The following GPR158 variants were observed in gnomAD, a reference collection of about 807,000 sequenced individuals.
The protein encoded by GPR158 is G protein-coupled receptor 158, also known as metabotropic glycine receptor.
GPR158 carries 30 observed loss-of-function variants against 78.2 expected under a neutral mutation model. The ratio of observed to expected loss-of-function variants is 0.38; its 90% CI spans 0.29 to 0.52. GPR158 has a LOEUF of 0.52. GPR158 is among the 20% of genes least tolerant of loss of function. GPR158 has a pLI of 0.83. For missense variants in GPR158, 1,463 were observed against 1,523.5 expected, an observed-to-expected ratio of 0.96 and a Z score of 0.66; for synonymous variants, 581 against 591.1, an observed-to-expected ratio of 0.98 and a Z score of 0.25.
At chr10:25,257,908 A>G (rs1269720719) in intron 2 of GPR158, among the ~76,000 whole-genome samples, 1 of 152,166 alleles carries the variant, frequency 6.6e-6, no homozygotes, top group Non-Finnish European at 1.5e-5. Context: ...AAGAGATGAA[A>G]AATCCTCCAC....
intron 3 of GPR158, 29 bp downstream of exon 3, chr10:25,396,042 T>C (rs753885823): frequency 2.9e-5 from 27 of 938,586 alleles, no homozygotes; most frequent in Non-Finnish European, 4.6e-5. Flanking sequence ...TATGTATATA[T>C]ATGTATATAC....
intron 2 of GPR158, among the ~76,000 whole-genome samples, chr10:25,378,928 G>A (rs1773627): frequency 1.3e-5 from 2 of 151,904 alleles, no homozygotes; most frequent in Admixed American, 6.6e-5. Context: ...TAGCTGGAAC[G>A]ACAGACATGT....
intron 2 of GPR158, among the ~76,000 whole-genome samples, chr10:25,227,290 G>A (rs1853387146): frequency 6.6e-6 from 1 of 152,138 alleles, no homozygotes; most frequent in Admixed American, 6.5e-5. Flanking sequence ...CTTGTGGTTG[G>A]GGGAAAGAGA....
chr10:25,362,439 C>T (rs1017146902), intron 2 of GPR158, among the ~76,000 whole-genome samples: 2 of 151,600 alleles, frequency 1.3e-5, no homozygotes, highest in African/African-American at 4.8e-5. Context: ...ATTTGGGCTC[C>T]CTTGATATTC....
At chr10:25,479,896 C>T (rs866869) in intron 5 of GPR158, among the ~76,000 whole-genome samples, 104,249 of 151,936 alleles carry the variant, frequency 0.69, 36,202 homozygotes, top group East Asian at 0.99. Context: ...TTTGTCCTTT[C>T]CCATTTTATT....
chr10:25,213,810 T>G (rs548183901), intron 1 of GPR158, among the ~76,000 whole-genome samples: 1 of 152,268 alleles, frequency 6.6e-6, no homozygotes, highest in Non-Finnish European at 1.5e-5. Context: ...CAAACTGGCA[T>G]TTTATATTGT....
In GPR158 at chr10:25,436,210, G is replaced by C. The variant is rs531466742; in HGVS notation, c.1335+23737G>C. ...GTGCCCGGTGTTACATGAGACATGT[G>C]TATACTAAAGCATTATTTGTTGTTT... On this transcript the variant is annotated intron_variant, in intron 4 of 10. Coordinates refer to ENST00000376351, the MANE Select transcript of GPR158 (RefSeq NM_020752.3). Among the ~76,000 whole-genome samples, 82 of 152,322 alleles carry C rather than the reference G, an allele frequency of 5.4e-4. 1 individual carries two copies. In the South Asian group the frequency reaches 0.011, roughly 21 times the overall value.
intron 2 of GPR158, among the ~76,000 whole-genome samples, chr10:25,259,210 T>A (rs1194777788): frequency 6.6e-6 from 1 of 152,166 alleles, no homozygotes; most frequent in Non-Finnish European, 1.5e-5. Flanking sequence ...ACTCTGCCAT[T>A]GTGGCATAAA....
chr10:25,202,284 G>A (rs182576194), intron 1 of GPR158, among the ~76,000 whole-genome samples: 1 of 151,608 alleles, frequency 6.6e-6, no homozygotes, highest in Admixed American at 6.6e-5. Flanking sequence ...TAAGTTCTAG[G>A]GTACATGTGC....
At chr10:25,535,878 G>A (rs1469028019) in intron 5 of GPR158, among the ~76,000 whole-genome samples, 1 of 152,172 alleles carries the variant, frequency 6.6e-6, no homozygotes, top group Non-Finnish European at 1.5e-5. Context: ...TAAATAGATT[G>A]TTGATTCAAA....
intron 6 of GPR158, among the ~76,000 whole-genome samples, chr10:25,570,828 A>C (rs1836996022): frequency 6.6e-6 from 1 of 152,014 alleles, no homozygotes; most frequent in African/African-American, 2.4e-5. Flanking sequence ...GAGGCAGGAG[A>C]ATAATCGCTT....
rs948968303 is a variant in GPR158, at chr10:25,434,188, A to G, written c.1335+21715A>G. Among the ~76,000 whole-genome samples the G allele has an allele frequency of 7.2e-5, 11 of 152,028 alleles. 1 individual carries two copies. Among genetic ancestry groups the G allele is most frequent in the Admixed American group, 7.2e-4 (11 of 15,262 alleles). ...AAAAACAAACAAACAAACAAAAAGA[A>G]ATCATTTAAATAACCTGCTACTCCA... On this transcript the variant is annotated intron_variant, in intron 4 of 10. Coordinates refer to ENST00000376351, the MANE Select transcript of GPR158 (RefSeq NM_020752.3).
chr10:25,544,342 G>A (rs1468179537), intron 5 of GPR158, among the ~76,000 whole-genome samples: 1 of 151,746 alleles, frequency 6.6e-6, no homozygotes, highest in African/African-American at 2.4e-5. Context: ...AGTTCTTCCA[G>A]TAAAGGAACT....
Position 25,599,904 on chromosome 10 carries a change from T to C in GPR158, c.*630T>C, listed in dbSNP as rs1003580922. The C allele has an allele frequency of 2.0e-5, 3 of 152,756 alleles. No homozygotes were observed. Among genetic ancestry groups the C allele is most frequent in the African/African-American group, 7.2e-5 (3 of 41,472 alleles). The allele number at this position is 152,756 out of a possible 1,614,324, so 9.5% of individuals were successfully genotyped here. On this transcript the variant is annotated 3_prime_UTR_variant, in exon 11 of 11. Coordinates refer to ENST00000376351, the MANE Select transcript of GPR158 (RefSeq NM_020752.3). ...TATGCAATCTGCAGCTATTCAATTG[T>C]TATTGCACCTTACAGAATACCTGCT...
At chr10:25,191,843 C>T (rs557506076) in intron 1 of GPR158, among the ~76,000 whole-genome samples, 6 of 152,220 alleles carry the variant, frequency 3.9e-5, no homozygotes, top group African/African-American at 1.4e-4. Flanking sequence ...GCTGTATACT[C>T]CTGTTTCTCC....
chr10:25,597,203 G>A (rs1407388232), intron 10 of GPR158, among the ~76,000 whole-genome samples: 2 of 152,188 alleles, frequency 1.3e-5, no homozygotes, highest in Non-Finnish European at 1.5e-5. Flanking sequence ...CGACATATCA[G>A]CATCTGAAGG....
intron 6 of GPR158, among the ~76,000 whole-genome samples, chr10:25,570,891 G>A (rs1431828695): frequency 6.6e-6 from 1 of 152,158 alleles, no homozygotes; most frequent in Non-Finnish European, 1.5e-5. Flanking sequence ...CTGCATTCCA[G>A]CCTGGGTGAC....
At chr10:25,360,635 C>G (rs1855622797) in intron 2 of GPR158, among the ~76,000 whole-genome samples, 1 of 152,006 alleles carries the variant, frequency 6.6e-6, no homozygotes, top group Non-Finnish European at 1.5e-5. Flanking sequence ...GTTTTGGTAC[C>G]AGTACCACGC....
intron 3 of GPR158, among the ~76,000 whole-genome samples, chr10:25,404,526 C>G (rs906140040): frequency 2.0e-5 from 3 of 152,040 alleles, no homozygotes; most frequent in African/African-American, 7.2e-5. Flanking sequence ...AACCTTATGT[C>G]TAGTTGCTAC....
Sources: gnomAD v4.1 joint callset for allele counts (sites outside exome capture counted in the v4.1 genomes callset) on GRCh38, gnomAD v4.1.1 for gene constraint, MANE v1.5 for transcripts, NCBI Gene and HGNC (gene_info 2026-07-23, HGNC 2026-07-21) for gene names.